GRIN2B: variants seen among roughly 807,000 people sequenced by gnomAD.
GRIN2B encodes glutamate ionotropic receptor NMDA type subunit 2B.
GRIN2B carries 5 observed loss-of-function variants against 114.5 expected under a neutral mutation model. The observed-to-expected ratio is 0.04, with a 90% CI of 0.02 to 0.09. The LOEUF (loss-of-function observed/expected upper bound fraction) is 0.09. GRIN2B is among the 10% of genes least tolerant of loss of function. The pLI, the probability that GRIN2B is intolerant of heterozygous loss-of-function variation, is 1.00. For missense variants in GRIN2B, 1,108 were observed against 1,943.5 expected, an observed-to-expected ratio of 0.57 and a Z score of 8.08; for synonymous variants, 787 against 745.1, an observed-to-expected ratio of 1.06 and a Z score of -0.92.
At chr12:13,671,977 G>A (rs538678762) in intron 5 of GRIN2B, among the ~76,000 whole-genome samples, 43 of 152,180 alleles carry the variant, frequency 2.8e-4, no homozygotes, top group African/African-American at 7.2e-4. Context: ...ACAGTGTGAC[G>A]GGGTGACTAC....
At chr12:13,739,227 A>T (rs965347854) in intron 4 of GRIN2B, among the ~76,000 whole-genome samples, 2 of 151,994 alleles carry the variant, frequency 1.3e-5, no homozygotes, top group South Asian at 4.2e-4. Flanking sequence ...CTAAAAATAC[A>T]AAATTAGTCG....
intron 4 of GRIN2B, among the ~76,000 whole-genome samples, chr12:13,713,166 A>G (rs1432169615): frequency 6.6e-6 from 1 of 151,892 alleles, no homozygotes; most frequent in Admixed American, 6.6e-5. Flanking sequence ...AACGTTAGGT[A>G]TTTCTTTTAA....
At chr12:13,934,982 G>T (rs551378505) in intron 2 of GRIN2B, among the ~76,000 whole-genome samples, 3 of 152,104 alleles carry the variant, frequency 2.0e-5, no homozygotes, top group Non-Finnish European at 2.9e-5. Flanking sequence ...TCCTGTTCCT[G>T]GTTCACCTGA....
At chr12:13,608,530 G>C in intron 10 of GRIN2B, 73 bp downstream of exon 10, 1 of 1,078,894 alleles carries the variant, frequency 9.3e-7, no homozygotes, top group South Asian at 1.3e-5. Context: ...AGACAAGCAG[G>C]TACATGAGAA....
intron 4 of GRIN2B, among the ~76,000 whole-genome samples, chr12:13,744,150 A>G (rs1365279137): frequency 1.3e-5 from 2 of 152,252 alleles, no homozygotes; most frequent in African/African-American, 2.4e-5. Context: ...AGACTTTAAC[A>G]ATGGAATCAG....
intron 2 of GRIN2B, among the ~76,000 whole-genome samples, chr12:13,935,639 T>C (rs150225935): frequency 6.6e-6 from 1 of 152,336 alleles, no homozygotes; most frequent in African/African-American, 2.4e-5. Context: ...TAGTACCTAT[T>C]TGATGGCATT....
In GRIN2B at chr12:13,673,465, C is replaced by G. The variant is rs146388844; in HGVS notation, c.1125+2280G>C. Among the ~76,000 whole-genome samples the G allele has an allele frequency of 1.6e-3, 239 of 152,166 alleles. 1 individual carries two copies. The highest frequency in any genetic ancestry group is 5.5e-3 in the African/African-American group (228 of 41,532). On this transcript the variant is annotated intron_variant, in intron 5 of 13. Coordinates refer to ENST00000609686, the MANE Select transcript of GRIN2B (RefSeq NM_000834.5). ...GGCTTTGGGCAGAGAAGGAACATCA[C>G]AGTCAGAATTGTGCTTCAGGAAGCT... is the stretch of plus-strand genomic sequence containing the variant.
chr12:13,978,706 T>G (rs1863075369), intron 2 of GRIN2B, among the ~76,000 whole-genome samples: 1 of 152,180 alleles, frequency 6.6e-6, no homozygotes, highest in Non-Finnish European at 1.5e-5. Flanking sequence ...ATCCCTGCAT[T>G]TAGACGCCTT....
intron 3 of GRIN2B, among the ~76,000 whole-genome samples, chr12:13,803,825 TAC>T (rs1864557001): frequency 6.6e-6 from 1 of 152,150 alleles, no homozygotes; most frequent in South Asian, 2.1e-4. Flanking sequence ...CACAAGGGGT[TAC>T]CCACAGCCAA....
chr12:13,800,143 T>C (rs1034771046), intron 3 of GRIN2B, among the ~76,000 whole-genome samples: 9 of 152,168 alleles, frequency 5.9e-5, no homozygotes, highest in East Asian at 1.9e-4. Flanking sequence ...CTATGTCACA[T>C]TCCCTTAAAG....
chr12:13,549,441 C>G lies in GRIN2B; in HGVS notation c.*13342G>C, dbSNP rs577583633. 8.5e-5 allele frequency: 13 copies of G among 152,256 alleles called. No homozygotes were observed. Among genetic ancestry groups the G allele is most frequent in the African/African-American group, 2.9e-4 (12 of 41,538 alleles). 9.4% of individuals were successfully genotyped at this position (152,256 alleles called of 1,614,324 possible). A position where few individuals can be genotyped will look rare whatever the true frequency, so the allele number is the denominator to read the frequency against. On this transcript the variant is annotated 3_prime_UTR_variant, in exon 14 of 14. Coordinates refer to ENST00000609686, the MANE Select transcript of GRIN2B (RefSeq NM_000834.5). ...TTTTCTGTTCAGAACTAACTTATGC[C>G]TTAATCCTAGAATCAGGCTTGTATG...
At chr12:13,617,081 C>T (rs1395937684) in intron 5 of GRIN2B, among the ~76,000 whole-genome samples, 1 of 152,166 alleles carries the variant, frequency 6.6e-6, no homozygotes, top group Non-Finnish European at 1.5e-5. Flanking sequence ...TTAACTGTAA[C>T]AAGGAGCATG....
chr12:13,603,893 A>G (rs373184267), intron 10 of GRIN2B, among the ~76,000 whole-genome samples: 10 of 152,044 alleles, frequency 6.6e-5, no homozygotes, highest in Admixed American at 3.3e-4. Context: ...GGAAGTTACT[A>G]GTTTTCCAGA....
intron 2 of GRIN2B, 131 bp from the exon 3 acceptor site, chr12:13,866,357 G>A (rs928686886): frequency 5.3e-5 from 40 of 760,382 alleles, no homozygotes; most frequent in Middle Eastern, 2.4e-4. Flanking sequence ...CCATCTACCA[G>A]CCTACTCTCT....
At chr12:13,745,974 A>G (rs1401811262) in intron 4 of GRIN2B, among the ~76,000 whole-genome samples, 4 of 152,122 alleles carry the variant, frequency 2.6e-5, no homozygotes, top group Non-Finnish European at 4.4e-5. Flanking sequence ...ACAAAGGTTA[A>G]AAAAAACACC....
chr12:13,620,866 A>T (rs1232489383), intron 5 of GRIN2B, among the ~76,000 whole-genome samples: 4 of 145,074 alleles, frequency 2.8e-5, no homozygotes, highest in Non-Finnish European at 4.5e-5. Flanking sequence ...TAAAGTCGTT[A>T]TTTTTTTTTT....
intron 3 of GRIN2B, among the ~76,000 whole-genome samples, chr12:13,849,818 A>G (rs1053905502): frequency 4.6e-5 from 7 of 152,204 alleles, no homozygotes; most frequent in African/African-American, 1.7e-4. Flanking sequence ...TGTCCCAGTC[A>G]TGAGGGGTGG....
chr12:13,755,361 G>A (rs994853747), intron 3 of GRIN2B, among the ~76,000 whole-genome samples: 2 of 152,166 alleles, frequency 1.3e-5, no homozygotes, highest in Non-Finnish European at 2.9e-5. Context: ...CCCTGGCTCT[G>A]CCTGGGCTAT....
At chr12:13,760,111 C>T (rs1310705916) in intron 3 of GRIN2B, among the ~76,000 whole-genome samples, 1 of 152,188 alleles carries the variant, frequency 6.6e-6, no homozygotes, top group Non-Finnish European at 1.5e-5. Flanking sequence ...TATCTGATCC[C>T]CTTGTCCAGC....
Sources: allele counts gnomAD v4.1 joint callset (sites outside exome capture counted in the v4.1 genomes callset), GRCh38; gene constraint gnomAD v4.1.1; transcripts MANE v1.5; gene names NCBI Gene and HGNC (gene_info 2026-07-23, HGNC 2026-07-21).